Variants in RBFOX1 observed in about 807,000 individuals in gnomAD.
The protein encoded by RBFOX1 is RNA binding fox-1 homolog 1.
RBFOX1 carries 8 observed loss-of-function variants against 57.7 expected under a neutral mutation model. The observed-to-expected ratio is 0.14, with a 90% CI of 0.08 to 0.25. The LOEUF (loss-of-function observed/expected upper bound fraction) is 0.25. RBFOX1 is among the 10% of genes least tolerant of loss of function. The pLI, the probability that RBFOX1 is intolerant of heterozygous loss-of-function variation, is 1.00. For missense variants in RBFOX1, 611 were observed against 548.5 expected, an observed-to-expected ratio of 1.11 and a Z score of -1.14; for synonymous variants, 326 against 222.4, an observed-to-expected ratio of 1.47 and a Z score of -4.15.
chr16:7,633,640 G>A (rs781466908), intron 11 of RBFOX1, among the ~76,000 whole-genome samples: 24 of 152,196 alleles, frequency 1.6e-4, no homozygotes, highest in East Asian at 1.9e-4. Context: ...TTCACTTGTC[G>A]AGGCTTAAGC....
chr16:7,486,163 G>A (rs1360876267), intron 4 of RBFOX1, among the ~76,000 whole-genome samples: 1 of 123,484 alleles, frequency 8.1e-6, no homozygotes, highest in Non-Finnish European at 1.6e-5. Context: ...TGCTTTGTTG[G>A]CCAGGCTGGA....
chr16:5,365,837 C>G (rs2065698167), intron 1 of RBFOX1: 1 of 517,410 alleles, frequency 1.9e-6, no homozygotes, highest in Admixed American at 2.0e-5. Flanking sequence ...CCCTGAGGCC[C>G]CAGAACTGTC....
chr16:5,781,889 G>A (rs1161903147), intron 3 of RBFOX1, among the ~76,000 whole-genome samples: 1 of 152,212 alleles, frequency 6.6e-6, no homozygotes, highest in Non-Finnish European at 1.5e-5. Context: ...ATAACGAAAT[G>A]CCTGAGACAG....
chr16:7,674,546 GGAA>G (rs2072671802), intron 13 of RBFOX1, among the ~76,000 whole-genome samples: 1 of 152,266 alleles, frequency 6.6e-6, no homozygotes. Context: ...CCTGGAATCA[GGAA>G]TGCTCACAAG....
intron 4 of RBFOX1, among the ~76,000 whole-genome samples, chr16:7,513,055 G>C (rs1220134435): frequency 6.9e-6 from 1 of 145,008 alleles, no homozygotes; most frequent in Non-Finnish European, 1.5e-5. Context: ...CTTGAGGCCA[G>C]CAGTTCGGGA....
intron 2 of RBFOX1, among the ~76,000 whole-genome samples, chr16:6,485,868 T>C (rs141150663): frequency 1.3e-5 from 2 of 152,302 alleles, no homozygotes; most frequent in African/African-American, 4.8e-5. Context: ...TCTGGATTCA[T>C]TTTAATCTGT....
intron 4 of RBFOX1, among the ~76,000 whole-genome samples, chr16:7,076,877 G>T (rs1168630329): frequency 6.6e-6 from 1 of 152,172 alleles, no homozygotes; most frequent in Non-Finnish European, 1.5e-5. Context: ...CACCTCTCTG[G>T]AGACCAGTGA....
intron 2 of RBFOX1, among the ~76,000 whole-genome samples, chr16:5,565,672 T>A (rs531473106): frequency 4.6e-5 from 6 of 129,046 alleles, no homozygotes; most frequent in African/African-American, 1.7e-4. Context: ...AAATAAATAA[T>A]TTGCAAGTCG....
At chr16:6,902,918 G>C (rs918877384) in intron 3 of RBFOX1, among the ~76,000 whole-genome samples, 3 of 152,158 alleles carry the variant, frequency 2.0e-5, no homozygotes, top group Non-Finnish European at 4.4e-5. Context: ...TGAAGATGTA[G>C]ATTCTACTCT....
chr16:7,040,082 A>T (rs1451280726), intron 3 of RBFOX1, among the ~76,000 whole-genome samples: 1 of 151,946 alleles, frequency 6.6e-6, no homozygotes, highest in Non-Finnish European at 1.5e-5. Context: ...GTGCAGTGAC[A>T]TGATCTCAGC....
At chr16:7,578,081 C>T (rs757199327) in intron 5 of RBFOX1, among the ~76,000 whole-genome samples, 10 of 152,166 alleles carry the variant, frequency 6.6e-5, no homozygotes, top group Non-Finnish European at 1.0e-4. Flanking sequence ...ACCTTTCCTT[C>T]GTGTTTCTCA....
At chr16:6,964,726 G>C (rs967490201) in intron 3 of RBFOX1, among the ~76,000 whole-genome samples, 1 of 152,150 alleles carries the variant, frequency 6.6e-6, no homozygotes, top group Non-Finnish European at 1.5e-5. Flanking sequence ...GGTAAGGTCC[G>C]GAAGCACTTG....
intron 4 of RBFOX1, among the ~76,000 whole-genome samples, chr16:7,469,652 C>A (rs1225804995): frequency 1.3e-5 from 2 of 152,220 alleles, no homozygotes; most frequent in East Asian, 3.8e-4. Context: ...TGTCTCACAT[C>A]ATTATGGTAC....
chr16:7,526,483 C>T (rs749496168), intron 5 of RBFOX1, among the ~76,000 whole-genome samples: 1 of 152,204 alleles, frequency 6.6e-6, no homozygotes, highest in Non-Finnish European at 1.5e-5. Flanking sequence ...CTCCCTTCCT[C>T]AGCTGTGACC....
chr16:5,685,603 G>C, intron 3 of RBFOX1, among the ~76,000 whole-genome samples: 1 of 152,184 alleles, frequency 6.6e-6, no homozygotes, highest in East Asian at 1.9e-4. Context: ...ATTGAACTTT[G>C]TAGGTTCTTT....
intron 3 of RBFOX1, among the ~76,000 whole-genome samples, chr16:6,708,186 T>A (rs1425540288): frequency 1.3e-5 from 2 of 152,142 alleles, no homozygotes; most frequent in African/African-American, 4.8e-5. Flanking sequence ...TTGTTTCTTA[T>A]TAAGCCCCCT....
chr16:7,630,565 T>A (rs907182842), intron 10 of RBFOX1, 38 bp from the exon 11 acceptor site: 1 of 1,612,876 alleles, frequency 6.2e-7, no homozygotes, highest in East Asian at 2.2e-5. Context: ...AGTGTACCGA[T>A]TCCCAAACCA....
In RBFOX1 at chr16:5,909,090, C is replaced by CTTTTTTTTTTTTTTTTTTTTTTTT. The variant is rs3041577; in HGVS notation, c.351+41775_351+41776insTTTTTTTTTTTTTTTTTTTTTTTT. On this transcript the variant is annotated intron_variant, in intron 4 of 19. Transcript: ENST00000641259. ...ATCGGCTCCAACAGACTAAGCCCCC[C>CTTTTTTTTTTTTTTTTTTTTTTTT]TTTTTTTTTTTTTTTTTTTTGAGAC... is the stretch of plus-strand genomic sequence containing the variant. Among the ~76,000 whole-genome samples, 2 of 116,390 alleles carry CTTTTTTTTTTTTTTTTTTTTTTTT rather than the reference C, an allele frequency of 1.7e-5. 1 individual carries two copies. The allele number at this position is 116,390 out of a possible 152,430, so 76.4% of individuals were successfully genotyped here. A position where few individuals can be genotyped will look rare whatever the true frequency, so the allele number is the denominator to read the frequency against.
intron 4 of RBFOX1, among the ~76,000 whole-genome samples, chr16:7,517,727 C>G (rs1376652673): frequency 6.6e-6 from 1 of 151,780 alleles, no homozygotes; most frequent in Admixed American, 6.6e-5. Context: ...TTTAGTCTCT[C>G]TTGGCACTTT....
Sources: gnomAD v4.1 joint callset for allele counts (sites outside exome capture counted in the v4.1 genomes callset) on GRCh38, gnomAD v4.1.1 for gene constraint, MANE v1.5 for transcripts, NCBI Gene and HGNC (gene_info 2026-07-23, HGNC 2026-07-21) for gene names.